The following XKR6 variants were observed in gnomAD, a reference collection of about 807,000 sequenced individuals.
XKR6 encodes the protein XK-related protein 6.
In XKR6, 22 loss-of-function variants were observed where a neutral mutation model predicts 56.7. The ratio of observed to expected loss-of-function variants is 0.39; its 90% CI spans 0.28 to 0.55. The LOEUF is 0.55. Among genes scored for constraint, XKR6 ranks in the 20% least tolerant of loss-of-function variants. The pLI is 0.66. For synonymous variants in XKR6, 524 were observed against 387.8 expected (o/e 1.35, Z -4.13); for missense variants, 852 against 889.0 (o/e 0.96, Z 0.53).
chr8:10,916,798 T>C (rs944109735), intron 2 of XKR6, among the ~76,000 whole-genome samples: 1 of 152,178 alleles, frequency 6.6e-6, no homozygotes, highest in Non-Finnish European at 1.5e-5. Context: ...GAAAACCGAA[T>C]TGTCCTTCTG....
At chr8:11,081,331 T>C (rs1040044580) in intron 1 of XKR6, among the ~76,000 whole-genome samples, 3 of 152,196 alleles carry the variant, frequency 2.0e-5, no homozygotes, top group African/African-American at 7.2e-5. Flanking sequence ...GGGGTAGAAT[T>C]ACACAGTTAT....
chr8:10,958,204 GCAAGTTCCCGTTTGGATGGCAAC>G (rs552437871), intron 1 of XKR6, among the ~76,000 whole-genome samples: 2 of 152,292 alleles, frequency 1.3e-5, no homozygotes, highest in South Asian at 4.1e-4. Context: ...TCCATGAGAT[GCAAGTTCCCGTTTGGATGGCAAC>G]CAAGCCAAGT....
At chr8:10,956,785 G>T (rs893571773) in intron 1 of XKR6, among the ~76,000 whole-genome samples, 1 of 152,156 alleles carries the variant, frequency 6.6e-6, no homozygotes, top group Non-Finnish European at 1.5e-5. Flanking sequence ...AGGACAGAAG[G>T]GGATTGAACT....
chr8:11,184,157 T>G lies in XKR6; in HGVS notation c.764+16419A>C, dbSNP rs184497779. 2.3e-3 allele frequency among the ~76,000 whole-genome samples: 350 copies of G among 152,280 alleles called. 1 individual carries two copies. Among genetic ancestry groups the G allele is most frequent in the African/African-American group, 7.8e-3 (326 of 41,550 alleles). ...GACTGTTAAAGGTTTCAGAGTATAGTTTTATTCTAATTATAATTTGCAGTT... is the reference window on the plus strand; with the variant it reads ...GACTGTTAAAGGTTTCAGAGTATAGGTTTATTCTAATTATAATTTGCAGTT... On this transcript the variant is annotated intron_variant, in intron 1 of 2. Transcript: ENST00000416569.
intron 1 of XKR6, among the ~76,000 whole-genome samples, chr8:11,182,279 C>T (rs909509604): frequency 6.6e-6 from 1 of 152,140 alleles, no homozygotes; most frequent in Non-Finnish European, 1.5e-5. Flanking sequence ...TTTGAAAGAG[C>T]ACTCTTCTGA....
At chr8:11,173,358 T>C (rs1802478333) in intron 1 of XKR6, among the ~76,000 whole-genome samples, 1 of 145,136 alleles carries the variant, frequency 6.9e-6, no homozygotes, top group Admixed American at 6.9e-5. Context: ...AAAATATATA[T>C]ATATATATAC....
chr8:10,972,681 G>C (rs890362054), intron 1 of XKR6, among the ~76,000 whole-genome samples: 2 of 152,182 alleles, frequency 1.3e-5, no homozygotes, highest in African/African-American at 4.8e-5. Flanking sequence ...AGACAAAGTA[G>C]AACAGGCTTG....
At chr8:11,182,791 T>C (rs951155922) in intron 1 of XKR6, among the ~76,000 whole-genome samples, 3 of 152,252 alleles carry the variant, frequency 2.0e-5, no homozygotes, top group African/African-American at 7.2e-5. Context: ...ATTAAATACA[T>C]TCACAATGCA....
At chr8:11,130,218 A>G (rs1267392920) in intron 1 of XKR6, among the ~76,000 whole-genome samples, 1 of 152,020 alleles carries the variant, frequency 6.6e-6, no homozygotes, top group East Asian at 1.9e-4. Flanking sequence ...AGATGTGTGC[A>G]CTCAGTTTAC....
chr8:11,147,686 A>T (rs1801058137), intron 1 of XKR6, among the ~76,000 whole-genome samples: 2 of 152,018 alleles, frequency 1.3e-5, no homozygotes, highest in African/African-American at 4.8e-5. Context: ...ATGGATGGCA[A>T]ATAAGCATAT....
At chr8:11,083,216 C>A (rs1253191135) in intron 1 of XKR6, among the ~76,000 whole-genome samples, 1 of 152,200 alleles carries the variant, frequency 6.6e-6, no homozygotes, top group African/African-American at 2.4e-5. Flanking sequence ...ACACACATGG[C>A]TCAGCACATT....
intron 1 of XKR6, among the ~76,000 whole-genome samples, chr8:10,941,871 A>G (rs1235886904): frequency 6.6e-6 from 1 of 151,994 alleles, no homozygotes; most frequent in Non-Finnish European, 1.5e-5. Flanking sequence ...AGCACATAGA[A>G]CCCCAACGGC....
chr8:11,138,073 G>A, intron 1 of XKR6: 1 of 196,290 alleles, frequency 5.1e-6, no homozygotes, highest in South Asian at 9.1e-5. Context: ...CATTCTTAGG[G>A]AGAATGCTTG....
At chr8:10,900,511 C>A (rs1800004380) in intron 2 of XKR6, among the ~76,000 whole-genome samples, 1 of 152,242 alleles carries the variant, frequency 6.6e-6, no homozygotes, top group Non-Finnish European at 1.5e-5. Flanking sequence ...TTAACTGTTA[C>A]AATGGGCATG....
intron 2 of XKR6, among the ~76,000 whole-genome samples, chr8:10,922,969 A>C (rs915800346): frequency 2.6e-5 from 4 of 152,218 alleles, no homozygotes. Context: ...TGTAGGCACC[A>C]GCTGGGCTGT....
chr8:11,182,270 T>C (rs190635804), intron 1 of XKR6, among the ~76,000 whole-genome samples: 1 of 152,230 alleles, frequency 6.6e-6, no homozygotes, highest in East Asian at 1.9e-4. Flanking sequence ...GATGGGGAAT[T>C]TGAAAGAGCA....
rs151301689 is a variant in XKR6, at chr8:10,969,681, C to T, written c.765-44851G>A. On this transcript the variant is annotated intron_variant, in intron 1 of 2. Transcript: ENST00000416569. ...CAGCCTAGAGACAAACACTGAGTAA[C>T]GTTCTTTAACAAGGACTGAACGTGA... Among the ~76,000 whole-genome samples the T allele has an allele frequency of 5.9e-5, 9 of 152,302 alleles. No homozygotes were observed. In the East Asian group the frequency reaches 1.2e-3, roughly 20 times the overall value.
intron 1 of XKR6, among the ~76,000 whole-genome samples, chr8:11,015,571 G>A (rs961523892): frequency 3.9e-5 from 6 of 152,160 alleles, no homozygotes; most frequent in African/African-American, 1.4e-4. Context: ...AGGTCTGACC[G>A]AGGGGATGAG....
chr8:11,192,730 C>T (rs1223690475), intron 1 of XKR6, among the ~76,000 whole-genome samples: 2 of 152,158 alleles, frequency 1.3e-5, no homozygotes, highest in Non-Finnish European at 2.9e-5. Context: ...ATACACACTC[C>T]CTGGCCCAAC....
Sources: gnomAD v4.1 joint callset for allele counts (sites outside exome capture counted in the v4.1 genomes callset) on GRCh38, gnomAD v4.1.1 for gene constraint, MANE v1.5 for transcripts, NCBI Gene and HGNC (gene_info 2026-07-23, HGNC 2026-07-21) for gene names.